Variants in RBFOX1 observed in about 807,000 individuals in gnomAD.
The protein encoded by RBFOX1 is RNA binding fox-1 homolog 1.
In RBFOX1, 8 loss-of-function variants were observed where a neutral mutation model predicts 57.7. The ratio of observed to expected loss-of-function variants is 0.14; its 90% confidence interval spans 0.08 to 0.25. The LOEUF is 0.25. Ranked by LOEUF, RBFOX1 falls within the 10% of genes least tolerant of loss-of-function variation. The pLI is 1.00. For missense variants in RBFOX1, 611 were observed against 548.5 expected (o/e 1.11, Z -1.14); for synonymous variants, 326 against 222.4 (o/e 1.47, Z -4.15).
chr16:6,611,134 T>C (rs964079046), intron 2 of RBFOX1, among the ~76,000 whole-genome samples: 2 of 152,048 alleles, frequency 1.3e-5, no homozygotes, highest in Admixed American at 6.6e-5. Flanking sequence ...TGGACTGTAA[T>C]AGTCTTTGTG....
intron 3 of RBFOX1, among the ~76,000 whole-genome samples, chr16:6,977,937 G>GAAA (rs1555705863): frequency 2.9e-4 from 23 of 79,468 alleles, no homozygotes; most frequent in African/African-American, 8.0e-4. Flanking sequence ...CCTCCCCAGG[G>GAAA]AAAAAAAAAA....
chr16:7,365,044 C>T (rs1235051375), intron 4 of RBFOX1, among the ~76,000 whole-genome samples: 2 of 152,120 alleles, frequency 1.3e-5, no homozygotes, highest in Non-Finnish European at 2.9e-5. Flanking sequence ...GTCTGTCCGT[C>T]GTCTATCAAT....
At chr16:7,358,483 C>G (rs1380721242) in intron 4 of RBFOX1, among the ~76,000 whole-genome samples, 2 of 151,940 alleles carry the variant, frequency 1.3e-5, no homozygotes, top group South Asian at 4.1e-4. Flanking sequence ...TGCAGCGGCG[C>G]GATCTCAGCT....
intron 2 of RBFOX1, among the ~76,000 whole-genome samples, chr16:6,600,722 A>G (rs2154006439): frequency 6.6e-6 from 1 of 152,348 alleles, no homozygotes; most frequent in South Asian, 2.1e-4. Context: ...CAGCCCCGTT[A>G]TGAAACATTT....
chr16:5,919,155 A>G (rs919817072), intron 4 of RBFOX1, among the ~76,000 whole-genome samples: 1 of 152,088 alleles, frequency 6.6e-6, no homozygotes, highest in East Asian at 1.9e-4. Flanking sequence ...TGATATGTAG[A>G]AAAAAAATGT....
At chr16:5,967,852 A>G (rs1350525840) in intron 4 of RBFOX1, among the ~76,000 whole-genome samples, 2 of 152,006 alleles carry the variant, frequency 1.3e-5, no homozygotes, top group East Asian at 3.9e-4. Context: ...AAGCAGGGGT[A>G]TTTTGCTTTG....
At chr16:5,428,655 G>T (rs1015836789) in intron 1 of RBFOX1, among the ~76,000 whole-genome samples, 1 of 152,156 alleles carries the variant, frequency 6.6e-6, no homozygotes, top group Non-Finnish European at 1.5e-5. Context: ...TGTTTAAGCT[G>T]AAACCTGGAG....
chr16:5,413,257 A>G (rs559879632), intron 1 of RBFOX1, among the ~76,000 whole-genome samples: 3 of 152,246 alleles, frequency 2.0e-5, no homozygotes, highest in East Asian at 3.9e-4. Flanking sequence ...AGCTTCTTCT[A>G]ATATTAACAA....
intron 2 of RBFOX1, among the ~76,000 whole-genome samples, chr16:6,409,249 A>T (rs572771743): frequency 5.7e-4 from 87 of 152,260 alleles, no homozygotes; most frequent in African/African-American, 2.0e-3. Context: ...CCCCATCTCT[A>T]CTAAAAATAC....
At chr16:7,465,543 G>A (rs1173737301) in intron 4 of RBFOX1, among the ~76,000 whole-genome samples, 2 of 152,204 alleles carry the variant, frequency 1.3e-5, no homozygotes, top group African/African-American at 2.4e-5. Context: ...TGCCTGCCAG[G>A]CTATTTGTGT....
chr16:6,843,561 C>T (rs1426528185), intron 3 of RBFOX1, among the ~76,000 whole-genome samples: 3 of 152,082 alleles, frequency 2.0e-5, no homozygotes, highest in Admixed American at 6.6e-5. Context: ...TGGTGGCGGG[C>T]ACCTGTAGTC....
chr16:7,253,605 C>A (rs1025413751), intron 4 of RBFOX1, among the ~76,000 whole-genome samples: 1 of 152,150 alleles, frequency 6.6e-6, no homozygotes, highest in East Asian at 1.9e-4. Context: ...TTTCCAGCCT[C>A]TTTTCCTTTT....
chr16:5,877,742 T>C (rs1353826019), intron 4 of RBFOX1, among the ~76,000 whole-genome samples: 1 of 152,248 alleles, frequency 6.6e-6, no homozygotes, highest in Non-Finnish European at 1.5e-5. Context: ...TTAGACCCAC[T>C]TTTAATTACA....
chr16:6,886,603 A>C lies in RBFOX1; in HGVS notation c.-15-165454A>C, dbSNP rs577024002. 3.9e-5 allele frequency among the ~76,000 whole-genome samples: 6 copies of C among 152,034 alleles called. No homozygotes were observed. In the South Asian group the frequency reaches 1.2e-3, roughly 32 times the overall value. On this transcript the variant is annotated intron_variant, in intron 3 of 15. Coordinates refer to ENST00000550418, the MANE Select transcript of RBFOX1 (RefSeq NM_018723.4). ...CCATGTCTCTACTAAAAATAGAAAA[A>C]AATTAGCTGGGCGTGGTGGTGCTCA...
At chr16:5,802,641 C>G (rs895702808) in intron 3 of RBFOX1, among the ~76,000 whole-genome samples, 5 of 152,284 alleles carry the variant, frequency 3.3e-5, no homozygotes, top group South Asian at 2.1e-4. Flanking sequence ...TAACTTAGAG[C>G]TAGACCCTGC....
At chr16:7,538,084 G>T (rs1357326862) in intron 5 of RBFOX1, among the ~76,000 whole-genome samples, 1 of 152,140 alleles carries the variant, frequency 6.6e-6, no homozygotes, top group Non-Finnish European at 1.5e-5. Context: ...ATCAGCTCTG[G>T]GTTAGACCTT....
chr16:6,574,271 T>C (rs113109648), intron 2 of RBFOX1, among the ~76,000 whole-genome samples: 428 of 152,138 alleles, frequency 2.8e-3, no homozygotes, highest in Non-Finnish European at 4.4e-3. Flanking sequence ...ACGTTGTTCA[T>C]GTCAGCTGTT....
At chr16:5,688,063 C>G (rs1444346364) in intron 3 of RBFOX1, among the ~76,000 whole-genome samples, 1 of 152,156 alleles carries the variant, frequency 6.6e-6, no homozygotes, top group Non-Finnish European at 1.5e-5. Flanking sequence ...AGGTCAAGCT[C>G]CCCAGCTGAC....
At chr16:6,022,649 C>T (rs775629567) in intron 1 of RBFOX1, among the ~76,000 whole-genome samples, 2 of 152,184 alleles carry the variant, frequency 1.3e-5, no homozygotes, top group Admixed American at 6.5e-5. Flanking sequence ...CGCCACTGCA[C>T]TCCAGCCTGG....
Sources: allele counts gnomAD v4.1 joint callset (sites outside exome capture counted in the v4.1 genomes callset), GRCh38; gene constraint gnomAD v4.1.1; transcripts MANE v1.5; gene names NCBI Gene and HGNC (gene_info 2026-07-23, HGNC 2026-07-21).